RIC1: variants seen among roughly 807,000 people sequenced by gnomAD.
The protein encoded by RIC1 is RIC1 partner of RAB6A GEF complex.
Under a neutral mutation model 169.0 loss-of-function variants are expected in RIC1, and 88 were observed. The observed-to-expected ratio is 0.52, with a 90% CI of 0.44 to 0.62. The LOEUF (loss-of-function observed/expected upper bound fraction) is 0.62, where lower values mean the gene tolerates loss of function less well. Ranked by LOEUF, RIC1 falls within the 20% of genes least tolerant of loss-of-function variation. RIC1 has a pLI of 0.00. For synonymous variants in RIC1, 790 were observed against 601.5 expected, an observed-to-expected ratio of 1.31 and a Z score of -4.59; for missense variants, 1,877 against 1,725.5, an observed-to-expected ratio of 1.09 and a Z score of -1.56.
Position 5,765,414 on chromosome 9 carries a change from A to C in RIC1, c.2842A>C (p.Asn948His). The change falls in exon 20 of 26, where the codon AAT becomes CAT. Residue 948 changes from asparagine to histidine, a missense_variant and splice_region_variant. Physicochemically the swap from Asn to His is moderately conservative, Grantham distance 68. Coordinates refer to ENST00000414202, the MANE Select transcript of RIC1 (RefSeq NM_020829.4). ...ATGCTGTCCTGGTTGTTTTTTGTAG[A>C]ATATGGAAGTCCCTGCAGTAAGTAG... ...TAASYLIILQNMEVPAVSRQH... is the reference protein window; with the variant it reads ...TAASYLIILQHMEVPAVSRQH... 1 of 1,610,022 alleles carries C rather than the reference A, an allele frequency of 6.2e-7. No homozygotes were observed. Among genetic ancestry groups the C allele is most frequent in the East Asian group, 2.2e-5 (1 of 44,850 alleles).
In RIC1 at chr9:5,762,600, G is replaced by T. The variant is rs3739646; in HGVS notation, c.2052G>T (p.Arg684Ser). 6.2e-7 allele frequency: 1 copy of T among 1,613,878 alleles called. No individual in the cohort carries two copies. ...NLAGQLIMMQRDRSGPQIREK... is the reference protein window; with the variant it reads ...NLAGQLIMMQSDRSGPQIREK... ...CAGGACAGCTCATCATGATGCAGAG[G>T]GACAGGTCAGGCCCACAGATCCGGG... Residue 684 changes from arginine (R) to serine (S), a missense_variant, in exon 18 of 26, where the codon AGG (arginine) becomes AGT (serine). Around this residue, in one of 3 missense-constraint regions of RIC1, gnomAD observed 1,104 missense variants for 992.0 expected, o/e 1.11. Transcript: ENST00000414202.
intron 2 of RIC1, among the ~76,000 whole-genome samples, chr9:5,684,950 A>G (rs1279365730): frequency 6.6e-6 from 1 of 152,084 alleles, no homozygotes; most frequent in Non-Finnish European, 1.5e-5. Flanking sequence ...TAGTTTGTTA[A>G]TAAGGTAAAT....
At chr9:5,734,683 C>G (rs1478657865) in intron 7 of RIC1, among the ~76,000 whole-genome samples, 4 of 152,218 alleles carry the variant, frequency 2.6e-5, no homozygotes, top group Non-Finnish European at 5.9e-5. Context: ...CAGTCACAAA[C>G]TGCCTCTGCT....
intron 8 of RIC1, among the ~76,000 whole-genome samples, chr9:5,739,479 C>G (rs1824932375): frequency 6.6e-6 from 1 of 152,104 alleles, no homozygotes; most frequent in African/African-American, 2.4e-5. Flanking sequence ...AATTAGAAAA[C>G]TCAAGCAGTT....
intron 2 of RIC1, among the ~76,000 whole-genome samples, chr9:5,657,290 C>G: frequency 6.6e-6 from 1 of 151,912 alleles, no homozygotes; most frequent in East Asian, 1.9e-4. Context: ...TTAAACGTGC[C>G]TAGATATGTT....
intron 7 of RIC1, among the ~76,000 whole-genome samples, chr9:5,736,789 A>G (rs1235089438): frequency 1.3e-5 from 2 of 152,212 alleles, no homozygotes; most frequent in Non-Finnish European, 2.9e-5. Flanking sequence ...CTTGAAAAAC[A>G]GAAATTATCC....
In RIC1 at chr9:5,690,020, A is replaced by T; in HGVS notation, c.314A>T (p.Tyr105Phe). The T allele has an allele frequency of 6.3e-7, 1 of 1,599,788 alleles. No homozygotes were observed. Among genetic ancestry groups the T allele is most frequent in the Non-Finnish European group, 8.5e-7 (1 of 1,174,386 alleles). The change falls in exon 3 of 26, where the codon TAT becomes TTT. Residue 105 changes from tyrosine to phenylalanine, a missense_variant. By Grantham distance (22) the Tyr-to-Phe change is conservative. This residue lies in a region of RIC1 where 1,104 missense variants were observed against 992.0 expected (regional missense o/e 1.11). Transcript: ENST00000414202. ...ITSTRGDKYL[Y>F]EPVYPKGSPQ... ...TCTACAAGAGGGGACAAGTACCTTT[A>T]TGAACCAGTGTATCCCAAGTAAGTT...
intron 2 of RIC1, among the ~76,000 whole-genome samples, chr9:5,682,459 T>C (rs1242015845): frequency 6.6e-6 from 1 of 152,240 alleles, no homozygotes; most frequent in African/African-American, 2.4e-5. Context: ...TTGAAAATTC[T>C]TTTCTTTAAG....
rs537739030 is a variant in RIC1 at position 5,775,416 on chromosome 9, T to C, written c.*1170T>C. On this transcript the variant is annotated 3_prime_UTR_variant, in exon 26 of 26. Transcript: ENST00000414202. ...TTGCTTTAAACACCCATCCACTGTATGTAATTCTAATTACCTTATAACAGT... is the reference window on the plus strand; with the variant it reads ...TTGCTTTAAACACCCATCCACTGTACGTAATTCTAATTACCTTATAACAGT... 3.9e-5 allele frequency: 6 copies of C among 152,358 alleles called. No homozygotes were observed. Among genetic ancestry groups the C allele is most frequent in the South Asian group, 4.1e-4 (2 of 4,830 alleles). 9.4% of individuals were successfully genotyped at this position (152,358 alleles called of 1,614,324 possible). A position where few individuals can be genotyped will look rare whatever the true frequency, so the allele number is the denominator to read the frequency against.
At chr9:5,703,584 C>T (rs2130783899) in intron 3 of RIC1, among the ~76,000 whole-genome samples, 2 of 152,166 alleles carry the variant, frequency 1.3e-5, no homozygotes, top group Middle Eastern at 6.8e-3. Flanking sequence ...ACAGCATGTA[C>T]CTTTTGTGTC....
At chr9:5,710,929 G>A (rs1822893157) in intron 3 of RIC1, among the ~76,000 whole-genome samples, 1 of 152,038 alleles carries the variant, frequency 6.6e-6, no homozygotes, top group Non-Finnish European at 1.5e-5. Context: ...TTAATATGAG[G>A]TTTAATATCT....
chr9:5,726,801 CT>C (rs1207223658), intron 6 of RIC1, among the ~76,000 whole-genome samples: 1 of 152,136 alleles, frequency 6.6e-6, no homozygotes, highest in Non-Finnish European at 1.5e-5. Flanking sequence ...TTTATTTCTC[CT>C]TCACTTACGA....
intron 6 of RIC1, among the ~76,000 whole-genome samples, chr9:5,724,658 C>T (rs976290692): frequency 6.6e-6 from 1 of 152,136 alleles, no homozygotes; most frequent in Non-Finnish European, 1.5e-5. Context: ...GGGAATGCTT[C>T]CAGTTTTTGC....
Position 5,661,155 on chromosome 9 carries a change from C to G in RIC1, c.252+4465C>G, listed in dbSNP as rs147465976. Among the ~76,000 whole-genome samples the G allele has an allele frequency of 2.2e-4, 33 of 152,000 alleles. No homozygotes were observed. In the East Asian group the frequency reaches 5.8e-3, roughly 27 times the overall value. On this transcript the variant is annotated intron_variant, in intron 2 of 25. Coordinates refer to ENST00000414202, the MANE Select transcript of RIC1 (RefSeq NM_020829.4). ...AGATCAGATGGTGTAGGTGGGTGTT[C>G]TTGTTTCTGGGTTCTCTATTCTGTT... is the stretch of plus-strand genomic sequence containing the variant.
At chr9:5,768,862 C>A in intron 21 of RIC1, 108 bp from the exon 22 acceptor site, 2 of 1,193,904 alleles carry the variant, frequency 1.7e-6, no homozygotes, top group African/African-American at 1.5e-5. Flanking sequence ...AGAATTAGAT[C>A]TTGGATCTCT....
At chr9:5,711,863 A>G (rs1003104394) in intron 3 of RIC1, among the ~76,000 whole-genome samples, 2 of 152,108 alleles carry the variant, frequency 1.3e-5, no homozygotes, top group Non-Finnish European at 2.9e-5. Context: ...GCTGAGAATG[A>G]TGGTTTCCAG....
chr9:5,742,227 C>T (rs1308435830), intron 8 of RIC1, among the ~76,000 whole-genome samples: 1 of 152,020 alleles, frequency 6.6e-6, no homozygotes, highest in Non-Finnish European at 1.5e-5. Flanking sequence ...GATTACCTGT[C>T]TTGGGCAAGC....
At chr9:5,716,180 G>A (rs1209179456) in intron 4 of RIC1, among the ~76,000 whole-genome samples, 1 of 151,866 alleles carries the variant, frequency 6.6e-6, no homozygotes, top group Admixed American at 6.6e-5. Context: ...TAACACACAC[G>A]CACACCTGGG....
intron 1 of RIC1, among the ~76,000 whole-genome samples, chr9:5,638,380 CCCT>C (rs1818076142): frequency 6.6e-6 from 1 of 152,126 alleles, no homozygotes; most frequent in African/African-American, 2.4e-5. Context: ...TAGAAGTACT[CCCT>C]CCTCCTGTAT....
Sources: allele counts gnomAD v4.1 joint callset (sites outside exome capture counted in the v4.1 genomes callset), GRCh38; gene constraint gnomAD v4.1.1; regional missense constraint gnomAD v4.1.1; transcripts MANE v1.5; gene names NCBI Gene and HGNC (gene_info 2026-07-23, HGNC 2026-07-21).